The following LRMDA variants were observed in gnomAD, a reference collection of about 807,000 sequenced individuals.
LRMDA encodes leucine-rich melanocyte differentiation-associated protein.
A neutral mutation model predicts 29.8 loss-of-function variants in LRMDA; 18 were observed. The observed-to-expected ratio is 0.60, with a 90% CI of 0.42 to 0.90. LRMDA has a LOEUF of 0.90. LRMDA is among the 40% of genes least tolerant of loss of function. The pLI is 0.00. For synonymous variants in LRMDA, 125 were observed against 109.4 expected (o/e 1.14, Z -0.89); for missense variants, 273 against 273.9 (o/e 1.00, Z 0.02).
At chr10:75,547,574 C>A (rs1840094931) in intron 2 of LRMDA, among the ~76,000 whole-genome samples, 1 of 152,180 alleles carries the variant, frequency 6.6e-6, no homozygotes, top group South Asian at 2.1e-4. Context: ...TCAAGAATGT[C>A]ACATGGCATT....
At chr10:75,833,395 G>A (rs1844379611) in intron 2 of LRMDA, among the ~76,000 whole-genome samples, 1 of 151,914 alleles carries the variant, frequency 6.6e-6, no homozygotes, top group Non-Finnish European at 1.5e-5. Flanking sequence ...TTCAAGGGCT[G>A]TGATCTCTCC....
intron 2 of LRMDA, among the ~76,000 whole-genome samples, chr10:75,462,244 C>G (rs1589150809): frequency 6.6e-6 from 1 of 152,206 alleles, no homozygotes; most frequent in Admixed American, 6.5e-5. Flanking sequence ...ACTCATCTGT[C>G]TTTTTTAATT....
At chr10:75,522,570 A>G (rs1343998114) in intron 2 of LRMDA, among the ~76,000 whole-genome samples, 13 of 152,200 alleles carry the variant, frequency 8.5e-5, no homozygotes. Context: ...AAGAGAAGGA[A>G]ATGGAAGCAC....
intron 5 of LRMDA, among the ~76,000 whole-genome samples, chr10:76,252,906 G>T (rs1852510970): frequency 6.6e-6 from 1 of 152,172 alleles, no homozygotes; most frequent in Non-Finnish European, 1.5e-5. Flanking sequence ...CACCAGGCAG[G>T]AATTCATATT....
At position 75,883,061 on chromosome 10, in the gene LRMDA, C is replaced by T. The variant is rs548926602; in HGVS notation, c.132-152947C>T. On this transcript the variant is annotated intron_variant, in intron 2 of 6. Transcript: ENST00000611255. ...CATGGACCGAGGCCTCATGCACAAT[C>T]CCCCAGGTCAGGAAACCTCCTCCTT... Among the ~76,000 whole-genome samples, 4 of 152,288 alleles carry T rather than the reference C, an allele frequency of 2.6e-5. No homozygotes were observed. The East Asian group carries it at 7.7e-4, about 29-fold the overall frequency.
chr10:76,157,531 T>G (rs2132173237), intron 5 of LRMDA, among the ~76,000 whole-genome samples: 1 of 152,168 alleles, frequency 6.6e-6, no homozygotes, highest in South Asian at 2.1e-4. Flanking sequence ...GGAAGATTGC[T>G]TGAGCCCAGG....
intron 2 of LRMDA, among the ~76,000 whole-genome samples, chr10:75,852,332 T>C (rs1227982027): frequency 6.6e-6 from 1 of 152,190 alleles, no homozygotes; most frequent in Non-Finnish European, 1.5e-5. Context: ...AAGTGACACA[T>C]AATTTTTGGT....
chr10:75,887,562 A>G lies in LRMDA; in HGVS notation c.132-148446A>G, dbSNP rs1037071804. ...TTGCTACCTTTTTTTTTTGTAAATA[A>G]AGTTTTATTGGAACACAGCTGCACC... On this transcript the variant is annotated intron_variant, in intron 2 of 6. Coordinates refer to ENST00000611255, the MANE Select transcript of LRMDA (RefSeq NM_001305581.2). Among the ~76,000 whole-genome samples, 53 of 152,024 alleles carry G rather than the reference A, an allele frequency of 3.5e-4. 1 individual carries two copies. Among genetic ancestry groups the G allele is most frequent in the African/African-American group, 1.2e-3 (48 of 41,394 alleles).
At chr10:76,235,051 C>A (rs971913281) in intron 5 of LRMDA, among the ~76,000 whole-genome samples, 1 of 152,230 alleles carries the variant, frequency 6.6e-6, no homozygotes, top group East Asian at 1.9e-4. Context: ...GCCTTCCTCA[C>A]TAAGCTTAAT....
intron 5 of LRMDA, among the ~76,000 whole-genome samples, chr10:76,140,148 G>T (rs923899269): frequency 3.3e-5 from 5 of 152,124 alleles, no homozygotes; most frequent in Admixed American, 3.3e-4. Context: ...ATTATTTTGA[G>T]CTGATTATTT....
At chr10:76,080,463 C>T (rs1849031507) in intron 5 of LRMDA, among the ~76,000 whole-genome samples, 1 of 152,168 alleles carries the variant, frequency 6.6e-6, no homozygotes, top group Admixed American at 6.5e-5. Flanking sequence ...GGCCAATTAC[C>T]AGGGAAGACC....
At chr10:75,665,033 T>G (rs1452177091) in intron 2 of LRMDA, among the ~76,000 whole-genome samples, 1 of 152,184 alleles carries the variant, frequency 6.6e-6, no homozygotes, top group African/African-American at 2.4e-5. Context: ...CAACTACTAC[T>G]TACTGGAGCT....
intron 2 of LRMDA, among the ~76,000 whole-genome samples, chr10:76,034,166 G>A (rs11001595): frequency 0.34 from 52,121 of 151,938 alleles, 10,026 homozygotes; most frequent in Non-Finnish European, 0.43. Context: ...CTAGATGTGC[G>A]TACATTGTGG....
intron 2 of LRMDA, among the ~76,000 whole-genome samples, chr10:75,808,620 C>A (rs1334245528): frequency 1.3e-5 from 2 of 152,152 alleles, no homozygotes; most frequent in Non-Finnish European, 2.9e-5. Flanking sequence ...AGTAATTCTC[C>A]TCCCTCAGCC....
At chr10:75,994,118 T>C (rs1333586630) in intron 2 of LRMDA, among the ~76,000 whole-genome samples, 2 of 152,352 alleles carry the variant, frequency 1.3e-5, no homozygotes, top group Non-Finnish European at 2.9e-5. Flanking sequence ...AAGTTATAGA[T>C]GAATGACAGA....
At chr10:75,991,472 G>C (rs1847368963) in intron 2 of LRMDA, among the ~76,000 whole-genome samples, 1 of 152,310 alleles carries the variant, frequency 6.6e-6, no homozygotes, top group South Asian at 2.1e-4. Context: ...ACATCTGTAA[G>C]CATCTGGTAA....
At chr10:76,465,190 G>C (rs138233618) in intron 6 of LRMDA, among the ~76,000 whole-genome samples, 68 of 152,280 alleles carry the variant, frequency 4.5e-4, no homozygotes, top group African/African-American at 1.5e-3. Context: ...CAAGTGGTCA[G>C]CTCCTCTGAT....
At chr10:76,062,078 C>T (rs1216317199) in intron 5 of LRMDA, among the ~76,000 whole-genome samples, 2 of 152,068 alleles carry the variant, frequency 1.3e-5, no homozygotes, top group South Asian at 2.1e-4. Flanking sequence ...ATGTGTACAC[C>T]AGAGTCAGCT....
chr10:76,509,633 C>T (rs143365552), intron 6 of LRMDA, among the ~76,000 whole-genome samples: 199 of 152,282 alleles, frequency 1.3e-3, no homozygotes, highest in African/African-American at 4.7e-3. Context: ...TTGTTCTTCC[C>T]CTGCTGGCAC....
Sources: gnomAD v4.1 joint callset for allele counts (sites outside exome capture counted in the v4.1 genomes callset) on GRCh38, gnomAD v4.1.1 for gene constraint, MANE v1.5 for transcripts, NCBI Gene and HGNC (gene_info 2026-07-23, HGNC 2026-07-21) for gene names.